The following SLC25A48 variants were observed in gnomAD, a reference collection of about 807,000 sequenced individuals.
SLC25A48 encodes the protein CTC-321K16.1.
A neutral mutation model predicts 32.2 loss-of-function variants in SLC25A48; 29 were observed. The ratio of observed to expected loss-of-function variants is 0.90; its 90% CI spans 0.67 to 1.23. The LOEUF is 1.23. Among genes scored for constraint, SLC25A48 ranks in the 50% most tolerant of loss-of-function variants. SLC25A48 has a pLI of 0.00. For synonymous variants in SLC25A48, 164 were observed against 172.3 expected, an observed-to-expected ratio of 0.95 and a Z score of 0.38; for missense variants, 399 against 422.7, an observed-to-expected ratio of 0.94 and a Z score of 0.49.
At chr5:135,845,608 C>T (rs1759341576) in intron 2 of SLC25A48, among the ~76,000 whole-genome samples, 1 of 152,228 alleles carries the variant, frequency 6.6e-6, no homozygotes, top group African/African-American at 2.4e-5. Flanking sequence ...GGGCACAGCA[C>T]TTAACCTTCC....
intron 3 of SLC25A48, among the ~76,000 whole-genome samples, chr5:135,757,994 C>T (rs1274336544): frequency 6.7e-6 from 1 of 150,238 alleles, no homozygotes; most frequent in African/African-American, 2.4e-5. Flanking sequence ...AGAATATCAT[C>T]TAGATAATGC....
In SLC25A48 at chr5:135,697,702, A is replaced by G. The variant is rs141785576; in HGVS notation, c.-521+62746A>G. On this transcript the variant is annotated intron_variant, in intron 3 of 10. Transcript: ENST00000646290. ...GCAGAGCCAGTGGCATTCAGGTTGCAGGCAGGTGCTTCCTGGAGACACAGG... is the reference window on the plus strand; with the variant it reads ...GCAGAGCCAGTGGCATTCAGGTTGCGGGCAGGTGCTTCCTGGAGACACAGG... Among the ~76,000 whole-genome samples the G allele has an allele frequency of 8.7e-3, 1,319 of 152,288 alleles. 11 individuals are homozygous for G. The highest frequency in any genetic ancestry group is 0.013 in the Non-Finnish European group (865 of 68,014).
At chr5:135,607,530 A>G (rs1192903296) in intron 1 of SLC25A48, among the ~76,000 whole-genome samples, 1 of 152,232 alleles carries the variant, frequency 6.6e-6, no homozygotes, top group African/African-American at 2.4e-5. Context: ...AGATCCTCCC[A>G]AACTTTACTC....
chr5:135,775,971 A>G lies in SLC25A48; in HGVS notation c.-520-36552A>G, dbSNP rs139295405. On this transcript the variant is annotated intron_variant, in intron 3 of 10. Coordinates refer to the SLC25A48 transcript ENST00000646290. The stretch of plus-strand genomic sequence containing the variant: ...TCATATAAGAAGGTGAGAGGGTGAT[A>G]TTACTCCCAATATCACAGGGGGTTT... Among the ~76,000 whole-genome samples the G allele has an allele frequency of 2.0e-3, 298 of 151,856 alleles. 1 individual carries two copies. Among genetic ancestry groups the G allele is most frequent in the African/African-American group, 7.1e-3 (293 of 41,446 alleles).
At position 135,874,147 on chromosome 5, in the gene SLC25A48, G is replaced by T; in HGVS notation, c.806G>T (p.Gly269Val). ...ATCTCCCAGAGTTACCAGAAGGAAG[G>T]TCTTAAAGTAAGCCCACAGCAGGCC... ...DCISQSYQKE[G>V]LKVFFRGITV... The change falls in exon 6 of 8, where the codon GGT becomes GTT. Residue 269 changes from glycine (G) to valine (V), a missense_variant. Physicochemically the swap from Gly to Val is moderately radical, Grantham distance 109. Coordinates refer to ENST00000681962, the MANE Select transcript of SLC25A48 (RefSeq NM_001349336.2). 2.1e-6 allele frequency: 3 copies of T among 1,460,796 alleles called. No homozygotes were observed. The highest frequency in any genetic ancestry group is 2.7e-6 in the Non-Finnish European group (3 of 1,115,458). 90.5% of individuals were successfully genotyped at this position (1,460,796 alleles called of 1,614,324 possible).
intron 3 of SLC25A48, among the ~76,000 whole-genome samples, chr5:135,653,216 A>C (rs114816707): frequency 9.1e-4 from 138 of 152,300 alleles, no homozygotes; most frequent in Non-Finnish European, 1.6e-3. Context: ...TAACTGCATA[A>C]ACAGACCAGG....
At chr5:135,694,800 T>C (rs1420149585) in intron 3 of SLC25A48, among the ~76,000 whole-genome samples, 1 of 152,132 alleles carries the variant, frequency 6.6e-6, no homozygotes, top group African/African-American at 2.4e-5. Context: ...TTGACTAGGC[T>C]GGTCTCGAAC....
At chr5:135,862,406 G>A (rs1760869926) in intron 4 of SLC25A48, among the ~76,000 whole-genome samples, 1 of 152,210 alleles carries the variant, frequency 6.6e-6, no homozygotes, top group Non-Finnish European at 1.5e-5. Context: ...CATTGCACCA[G>A]GCCCAACTGG....
chr5:135,698,118 G>A (rs985201779), intron 3 of SLC25A48, among the ~76,000 whole-genome samples: 13 of 152,220 alleles, frequency 8.5e-5, no homozygotes, highest in Admixed American at 3.9e-4. Flanking sequence ...CAAGTTGTCA[G>A]TGCAGGGAGG....
intron 3 of SLC25A48, among the ~76,000 whole-genome samples, chr5:135,693,417 G>A (rs892542305): frequency 2.6e-5 from 4 of 152,186 alleles, no homozygotes; most frequent in African/African-American, 9.7e-5. Flanking sequence ...TGGAATATGG[G>A]GACTGGTTCT....
intron 7 of SLC25A48, among the ~76,000 whole-genome samples, chr5:135,886,842 G>A (rs1238746693): frequency 6.6e-6 from 1 of 151,154 alleles, no homozygotes; most frequent in South Asian, 2.1e-4. Context: ...TTAAACAAAT[G>A]GAATCCTATT....
intron 1 of SLC25A48, among the ~76,000 whole-genome samples, chr5:135,582,731 C>T (rs1751263007): frequency 6.6e-6 from 1 of 152,200 alleles, no homozygotes; most frequent in South Asian, 2.1e-4. Flanking sequence ...TACCTTCAAA[C>T]ATCCAAGCCT....
At position 135,880,212 on chromosome 5, in the gene SLC25A48, T is replaced by A; in HGVS notation, c.*7+115T>A. ...AATGTCCTGTTGTTTGTCACATATC[T>A]AATCTGTGGTAGGCTGGGGCTGCCA... On this transcript the variant is annotated intron_variant, in intron 7 of 7. Transcript: ENST00000681962. 5 of 1,385,058 alleles carry A rather than the reference T, an allele frequency of 3.6e-6. No homozygotes were observed. The Admixed American group carries it at 1.3e-4, about 36-fold the overall frequency. 85.8% of individuals were successfully genotyped at this position (1,385,058 alleles called of 1,614,324 possible). A position where few individuals can be genotyped will look rare whatever the true frequency, so the allele number is the denominator to read the frequency against.
chr5:135,795,553 A>G (rs943887352), intron 3 of SLC25A48, among the ~76,000 whole-genome samples: 2 of 151,798 alleles, frequency 1.3e-5, no homozygotes, highest in Non-Finnish European at 2.9e-5. Flanking sequence ...ATTGCCATGC[A>G]TGTACACTCC....
At chr5:135,669,155 G>A (rs1172379341) in intron 3 of SLC25A48, among the ~76,000 whole-genome samples, 1 of 152,162 alleles carries the variant, frequency 6.6e-6, no homozygotes. Context: ...GCCATGAGAG[G>A]CCAGTTGATG....
chr5:135,752,606 G>T lies in SLC25A48; in HGVS notation c.-520-59917G>T, dbSNP rs145116019. ...ACAGTATCACAAATAATATCACAAG[G>T]TATACACACATTTTGTACACACAGT... On this transcript the variant is annotated intron_variant, in intron 3 of 10. Transcript: ENST00000646290. Among the ~76,000 whole-genome samples, 190 of 152,088 alleles carry T rather than the reference G, an allele frequency of 1.2e-3. No individual in the cohort carries two copies. The East Asian group carries it at 0.028, about 22-fold the overall frequency.
Position 135,587,043 on chromosome 5 carries a change from T to C in SLC25A48, c.-849+7446T>C, listed in dbSNP as rs1321555061. 2.0e-5 allele frequency among the ~76,000 whole-genome samples: 3 copies of C among 152,146 alleles called. No homozygotes were observed. The South Asian group carries it at 6.2e-4, about 32-fold the overall frequency. On this transcript the variant is annotated intron_variant, in intron 1 of 10. Coordinates refer to the SLC25A48 transcript ENST00000646290. ...TTGTATTTTTTTTGTTTTGTTTTGT[T>C]TTTTTGAGACAGGGTCTTGTTCTGT...
intron 4 of SLC25A48, among the ~76,000 whole-genome samples, chr5:135,813,626 A>G (rs1370355195): frequency 6.6e-6 from 1 of 152,240 alleles, no homozygotes; most frequent in Non-Finnish European, 1.5e-5. Flanking sequence ...CATTACTCTG[A>G]AAGTTTGTCC....
intron 3 of SLC25A48, among the ~76,000 whole-genome samples, chr5:135,725,181 G>A (rs1755061183): frequency 6.6e-6 from 1 of 152,258 alleles, no homozygotes; most frequent in Admixed American, 6.5e-5. Flanking sequence ...AGCTTTCTGT[G>A]TCAGATAATG....
Sources: gnomAD v4.1 joint callset for allele counts (sites outside exome capture counted in the v4.1 genomes callset) on GRCh38, gnomAD v4.1.1 for gene constraint, MANE v1.5 for transcripts, NCBI Gene and HGNC (gene_info 2026-07-23, HGNC 2026-07-21) for gene names.